The following SDK1 variants were observed in gnomAD, a reference collection of about 807,000 sequenced individuals.
The protein encoded by SDK1 is sidekick cell adhesion molecule 1.
Under a neutral mutation model 245.5 loss-of-function variants are expected in SDK1, and 157 were observed. The ratio of observed to expected loss-of-function variants is 0.64; its 90% CI spans 0.56 to 0.73. SDK1 has a LOEUF of 0.73. SDK1 is among the 30% of genes least tolerant of loss of function. The pLI, the probability that SDK1 is intolerant of heterozygous loss-of-function variation, is 0.00. For missense variants in SDK1, 3,583 were observed against 3,002.3 expected, an observed-to-expected ratio of 1.19 and a Z score of -4.52; for synonymous variants, 1,647 against 1,278.5, an observed-to-expected ratio of 1.29 and a Z score of -6.15.
At chr7:4,126,980 G>C (rs1784430584) in intron 25 of SDK1, among the ~76,000 whole-genome samples, 1 of 152,016 alleles carries the variant, frequency 6.6e-6, no homozygotes, top group Admixed American at 6.6e-5. Flanking sequence ...AAATCCTCAC[G>C]CCCCCTTCTC....
At position 3,800,343 on chromosome 7, in the gene SDK1, G is replaced by A. The variant is rs116126037; in HGVS notation, c.714-21107G>A. Among the ~76,000 whole-genome samples, 700 of 151,334 alleles carry A rather than the reference G, an allele frequency of 4.6e-3. 6 individuals carry two copies. The highest frequency in any genetic ancestry group is 0.016 in the African/African-American group (652 of 41,008). On this transcript the variant is annotated intron_variant, in intron 4 of 44. Transcript: ENST00000404826. ...TGATGTGTGCTCAGCTACACTAATCGCCATCTTTTACTTACTTACTTACTT... is the reference window on the plus strand; with the variant it reads ...TGATGTGTGCTCAGCTACACTAATCACCATCTTTTACTTACTTACTTACTT...
At chr7:3,653,640 A>G (rs897882502) in intron 4 of SDK1, among the ~76,000 whole-genome samples, 1 of 152,168 alleles carries the variant, frequency 6.6e-6, no homozygotes, top group African/African-American at 2.4e-5. Context: ...AGCATTGAGA[A>G]TAAACGCATC....
chr7:3,819,468 A>G (rs1356900740), intron 4 of SDK1, among the ~76,000 whole-genome samples: 1 of 150,078 alleles, frequency 6.7e-6, no homozygotes, highest in African/African-American at 2.4e-5. Flanking sequence ...TATGGTAAAA[A>G]TCAGATGTCA....
intron 4 of SDK1, among the ~76,000 whole-genome samples, chr7:3,815,030 T>G (rs1779472807): frequency 7.0e-6 from 1 of 142,698 alleles, no homozygotes; most frequent in Admixed American, 7.0e-5. Flanking sequence ...CAATGGGGTT[T>G]TCTAGATATA....
At chr7:3,304,470 G>A (rs1323690419) in intron 1 of SDK1, among the ~76,000 whole-genome samples, 1 of 152,188 alleles carries the variant, frequency 6.6e-6, no homozygotes, top group Non-Finnish European at 1.5e-5. Flanking sequence ...TTCTGGCAGT[G>A]TTCAGTAGAC....
At chr7:3,978,589 T>A (rs1260005478) in intron 13 of SDK1, among the ~76,000 whole-genome samples, 4 of 152,176 alleles carry the variant, frequency 2.6e-5, no homozygotes, top group Non-Finnish European at 5.9e-5. Flanking sequence ...AAGGTGTTCC[T>A]TCATGGGGTG....
intron 22 of SDK1, among the ~76,000 whole-genome samples, chr7:4,094,532 C>A (rs1030489432): frequency 6.6e-6 from 1 of 152,168 alleles, no homozygotes; most frequent in Non-Finnish European, 1.5e-5. Context: ...ACAAGGAGAA[C>A]CTGCCTTCAG....
At chr7:3,622,537 A>G (rs2128645630) in intron 2 of SDK1, among the ~76,000 whole-genome samples, 1 of 152,322 alleles carries the variant, frequency 6.6e-6, no homozygotes, top group East Asian at 1.9e-4. Flanking sequence ...GCCAAAGTGT[A>G]CAAAAAACTG....
At chr7:3,323,577 A>G (rs1029592506) in intron 1 of SDK1, among the ~76,000 whole-genome samples, 9 of 152,214 alleles carry the variant, frequency 5.9e-5, no homozygotes, top group African/African-American at 1.2e-4. Flanking sequence ...CACTGCTTCT[A>G]GAGGTCAACT....
At chr7:4,166,116 C>G (rs1373256007) in intron 32 of SDK1, among the ~76,000 whole-genome samples, 3 of 152,196 alleles carry the variant, frequency 2.0e-5, no homozygotes, top group African/African-American at 7.2e-5. Flanking sequence ...TGTTTTCTAG[C>G]AAAGAAAAAA....
intron 4 of SDK1, among the ~76,000 whole-genome samples, chr7:3,696,195 C>G (rs537852495): frequency 2.6e-5 from 4 of 152,258 alleles, no homozygotes; most frequent in African/African-American, 9.6e-5. Flanking sequence ...TATTGCCACT[C>G]TCTCCACTGT....
At chr7:3,986,479 A>G (rs999006442) in intron 13 of SDK1, among the ~76,000 whole-genome samples, 2 of 152,260 alleles carry the variant, frequency 1.3e-5, no homozygotes, top group African/African-American at 4.8e-5. Context: ...CGTTACATGT[A>G]TCGGGACTTT....
chr7:3,639,588 C>A (rs1782587489), intron 3 of SDK1, among the ~76,000 whole-genome samples: 1 of 152,058 alleles, frequency 6.6e-6, no homozygotes. Flanking sequence ...TTTATTAATT[C>A]TTTATTCAGC....
At chr7:3,371,756 G>C (rs764862686) in intron 1 of SDK1, among the ~76,000 whole-genome samples, 1 of 152,162 alleles carries the variant, frequency 6.6e-6, no homozygotes, top group Non-Finnish European at 1.5e-5. Context: ...CTTCACCCAA[G>C]AGGAGTTCCT....
chr7:4,103,471 A>G (rs1339330556), intron 22 of SDK1, among the ~76,000 whole-genome samples: 2 of 152,196 alleles, frequency 1.3e-5, no homozygotes, highest in African/African-American at 4.8e-5. Flanking sequence ...TCTCACGAAA[A>G]AAGAGTCCTG....
chr7:4,142,737 A>G lies in SDK1; in HGVS notation c.4229-2985A>G, dbSNP rs557943312. ...CTTGGCCTCCCAAAATGCTGGGATT[A>G]CAGGCGTGAGCCACTGTGCCTGGCT... On this transcript the variant is annotated intron_variant, in intron 28 of 44. Transcript: ENST00000404826. 2.6e-5 allele frequency among the ~76,000 whole-genome samples: 4 copies of G among 152,352 alleles called. No homozygotes were observed. The East Asian group carries it at 7.7e-4, about 29-fold the overall frequency.
intron 1 of SDK1, among the ~76,000 whole-genome samples, chr7:3,513,045 T>C (rs1056509930): frequency 1.3e-5 from 2 of 152,212 alleles, no homozygotes; most frequent in African/African-American, 4.8e-5. Context: ...GCTAAGTGAC[T>C]GGTTTGGAGA....
At chr7:3,695,574 A>G (rs187395402) in intron 4 of SDK1, among the ~76,000 whole-genome samples, 3 of 152,220 alleles carry the variant, frequency 2.0e-5, no homozygotes, top group South Asian at 2.1e-4. Flanking sequence ...ATGGGTGCAT[A>G]ATAGTTTATT....
At chr7:3,851,002 T>C (rs1314169369) in intron 5 of SDK1, among the ~76,000 whole-genome samples, 1 of 151,564 alleles carries the variant, frequency 6.6e-6, no homozygotes, top group Non-Finnish European at 1.5e-5. Context: ...GAACTTAAAG[T>C]ATAACAAAAA....
Sources: gnomAD v4.1 joint callset for allele counts (sites outside exome capture counted in the v4.1 genomes callset) on GRCh38, gnomAD v4.1.1 for gene constraint, MANE v1.5 for transcripts, NCBI Gene and HGNC (gene_info 2026-07-23, HGNC 2026-07-21) for gene names.